The following GLIS3 variants were observed in gnomAD, a reference collection of about 807,000 sequenced individuals.
GLIS3 encodes zinc finger protein GLIS3.
GLIS3 carries 53 observed loss-of-function variants against 78.6 expected under a neutral mutation model. The ratio of observed to expected loss-of-function variants is 0.67; its 90% CI spans 0.54 to 0.85. The LOEUF (loss-of-function observed/expected upper bound fraction) is 0.85. Among genes scored for constraint, GLIS3 ranks in the 40% least tolerant of loss-of-function variants. The probability of loss-of-function intolerance (pLI) is 0.00; values close to 1 mark genes in which losing one functional copy is unlikely to be tolerated. For missense variants in GLIS3, 1,703 were observed against 1,231.1 expected (o/e 1.38, Z -5.74); for synonymous variants, 684 against 509.9 (o/e 1.34, Z -4.60).
chr9:4,483,287 T>C, the GLIS3 span, among the ~76,000 whole-genome samples: 1 of 152,212 alleles, frequency 6.6e-6, no homozygotes, highest in African/African-American at 2.4e-5. Context: ...ATGTATTTAG[T>C]GCCCAATGGA....
chr9:4,100,129 G>A (rs1452489930), intron 4 of GLIS3, among the ~76,000 whole-genome samples: 1 of 152,220 alleles, frequency 6.6e-6, no homozygotes, highest in Non-Finnish European at 1.5e-5. Context: ...ATCTGACTTA[G>A]TTTTCTTTCT....
intron 4 of GLIS3, among the ~76,000 whole-genome samples, chr9:4,066,985 C>T (rs1209381451): frequency 6.6e-6 from 1 of 152,172 alleles, no homozygotes; most frequent in Non-Finnish European, 1.5e-5. Context: ...AACCTGTCCA[C>T]CACACAGTGA....
chr9:4,255,595 G>C (rs1318950506), intron 2 of GLIS3, among the ~76,000 whole-genome samples: 1 of 152,144 alleles, frequency 6.6e-6, no homozygotes, highest in African/African-American at 2.4e-5. Flanking sequence ...ATATTACTAA[G>C]TGAAAGAAGC....
At chr9:4,268,324 G>T (rs921192903) in intron 2 of GLIS3, among the ~76,000 whole-genome samples, 2 of 152,078 alleles carry the variant, frequency 1.3e-5, no homozygotes, top group African/African-American at 4.8e-5. Flanking sequence ...AAAATTTCAA[G>T]TACTTAAAAT....
intron 2 of GLIS3, among the ~76,000 whole-genome samples, chr9:4,270,339 G>T (rs1826389587): frequency 1.3e-5 from 2 of 152,192 alleles, no homozygotes; most frequent in South Asian, 4.1e-4. Flanking sequence ...ATCAAAATTA[G>T]CATCAACTTA....
At chr9:4,070,597 G>A (rs1160430493) in intron 4 of GLIS3, among the ~76,000 whole-genome samples, 1 of 152,076 alleles carries the variant, frequency 6.6e-6, no homozygotes, top group Non-Finnish European at 1.5e-5. Flanking sequence ...GTGTATGTGG[G>A]TAGTGAGTAT....
At chr9:4,247,494 A>G (rs1036612047) in intron 2 of GLIS3, among the ~76,000 whole-genome samples, 2 of 152,162 alleles carry the variant, frequency 1.3e-5, no homozygotes, top group African/African-American at 4.8e-5. Context: ...AAATTTGCGC[A>G]TATGTTCTGG....
chr9:4,436,102 T>C, the GLIS3 span, among the ~76,000 whole-genome samples: 1 of 152,254 alleles, frequency 6.6e-6, no homozygotes, highest in Admixed American at 6.5e-5. Context: ...CAAAATATTT[T>C]AGACATTTGC....
In GLIS3 at chr9:3,937,094, C is replaced by T. The variant is rs377400577; in HGVS notation, c.1806G>A (p.Pro602=). 2.4e-5 allele frequency: 39 copies of T among 1,613,780 alleles called. No individual in the cohort carries two copies. The East Asian group carries it at 6.0e-4, about 25-fold the overall frequency. The change falls in exon 5 of 11, where the codon CCG becomes CCA. Residue 602 remains proline (P), a synonymous_variant. Transcript: ENST00000381971. ...TGEKPYLCQH[P]GCQKAFSNSS... is the part of the protein sequence containing the mutation. Reference sequence around the variant, plus strand: ...AGTTACTGAAGGCCTTCTGACAACCCGGATGCTGGCACAAATACGGCTTCT... The same window carrying T: ...AGTTACTGAAGGCCTTCTGACAACCTGGATGCTGGCACAAATACGGCTTCT...
the GLIS3 span, among the ~76,000 whole-genome samples, chr9:4,440,658 T>C: frequency 6.6e-6 from 1 of 152,204 alleles, no homozygotes; most frequent in East Asian, 1.9e-4. Context: ...GTTTCTGTGG[T>C]TCCATTCAAA....
chr9:4,013,619 G>T (rs995608965), intron 4 of GLIS3, among the ~76,000 whole-genome samples: 1 of 152,190 alleles, frequency 6.6e-6, no homozygotes, highest in Non-Finnish European at 1.5e-5. Context: ...GTAGAACACA[G>T]GAGGGCTCAA....
chr9:4,266,202 G>C (rs1825992033), intron 2 of GLIS3, among the ~76,000 whole-genome samples: 1 of 151,986 alleles, frequency 6.6e-6, no homozygotes, highest in Admixed American at 6.6e-5. Context: ...ACAGGTGTGA[G>C]CCACCGCGCC....
At chr9:4,296,081 A>C (rs1039507656) in intron 1 of GLIS3, among the ~76,000 whole-genome samples, 1 of 152,194 alleles carries the variant, frequency 6.6e-6, no homozygotes, top group Non-Finnish European at 1.5e-5. Flanking sequence ...ATAATCACAG[A>C]AACACAGAAA....
intron 2 of GLIS3, among the ~76,000 whole-genome samples, chr9:4,199,487 A>T (rs770113925): frequency 6.7e-6 from 1 of 149,540 alleles, no homozygotes; most frequent in Non-Finnish European, 1.5e-5. Context: ...TAAGTTATAT[A>T]TAAGTTTATA....
chr9:4,252,942 G>C (rs113546178), intron 2 of GLIS3, among the ~76,000 whole-genome samples: 77 of 152,330 alleles, frequency 5.1e-4, no homozygotes, highest in African/African-American at 1.8e-3. Flanking sequence ...ACCAGTGGAG[G>C]CTGCAGAACA....
chr9:4,276,915 T>C (rs557038344), intron 2 of GLIS3, among the ~76,000 whole-genome samples: 3 of 152,366 alleles, frequency 2.0e-5, no homozygotes, highest in South Asian at 2.1e-4. Context: ...CTTTGGTCTC[T>C]GGCTGTTTGG....
At chr9:4,461,927 T>G in the GLIS3 span, among the ~76,000 whole-genome samples, 1 of 152,232 alleles carries the variant, frequency 6.6e-6, no homozygotes, top group African/African-American at 2.4e-5. Context: ...AGAAAGGGCT[T>G]TGTAGATTGT....
chr9:3,854,695 CCTGG>C (rs1306012477), intron 9 of GLIS3, among the ~76,000 whole-genome samples: 6 of 107,754 alleles, frequency 5.6e-5, no homozygotes, highest in Non-Finnish European at 1.2e-4. Flanking sequence ...CGCCGTCACG[CCTGG>C]CTAATTTTTT....
At chr9:4,109,794 T>C (rs1370583924) in intron 4 of GLIS3, among the ~76,000 whole-genome samples, 1 of 152,220 alleles carries the variant, frequency 6.6e-6, no homozygotes, top group Non-Finnish European at 1.5e-5. Context: ...TACTTGAGAA[T>C]TGTTTCTTCC....
Sources: allele counts gnomAD v4.1 joint callset (sites outside exome capture counted in the v4.1 genomes callset), GRCh38; gene constraint gnomAD v4.1.1; transcripts MANE v1.5; gene names NCBI Gene and HGNC (gene_info 2026-07-23, HGNC 2026-07-21).